The following VSIG10 variants were observed in gnomAD, a reference collection of about 807,000 sequenced individuals.
VSIG10 encodes the protein V-set and immunoglobulin domain containing 10, also known as V-set and immunoglobulin domain-containing protein 10.
Under a neutral mutation model 58.7 loss-of-function variants are expected in VSIG10, and 48 were observed. That is an observed-to-expected ratio of 0.82 (90% confidence interval 0.65 to 1.04). The LOEUF (loss-of-function observed/expected upper bound fraction) is 1.04, where lower values mean the gene tolerates loss of function less well. Ranked by LOEUF, VSIG10 falls within the 50% of genes least tolerant of loss-of-function variation. The pLI is 0.00. For synonymous variants in VSIG10, 260 were observed against 267.1 expected (o/e 0.97, Z 0.26); for missense variants, 628 against 670.0 (o/e 0.94, Z 0.69).
chr12:118,089,016 C>T (rs1169953406), intron 2 of VSIG10, among the ~76,000 whole-genome samples: 3 of 150,618 alleles, frequency 2.0e-5, no homozygotes, highest in Non-Finnish European at 4.4e-5. Context: ...GGTGCCATCT[C>T]GGCTCACTGC....
rs113033206 is a variant in VSIG10, at chr12:118,066,536, C to T, written c.*103G>A. 10 of 1,306,570 alleles carry T rather than the reference C, an allele frequency of 7.7e-6. No individual in the cohort carries two copies. Among genetic ancestry groups the T allele is most frequent in the Non-Finnish European group, 1.1e-5 (10 of 903,320 alleles). The allele number at this position is 1,306,570 out of a possible 1,614,324, so 80.9% of individuals were successfully genotyped here. On this transcript the variant is annotated 3_prime_UTR_variant, in exon 9 of 9. Transcript: ENST00000359236. ...GAGACCCAAACATTGTTAGTGCAAGCCCCCGCCAGGGGTGCAGGTGGAGTC... is the reference window on the plus strand; with the variant it reads ...GAGACCCAAACATTGTTAGTGCAAGTCCCCGCCAGGGGTGCAGGTGGAGTC...
chr12:118,078,629 T>C (rs933394591), intron 4 of VSIG10, among the ~76,000 whole-genome samples: 1 of 151,994 alleles, frequency 6.6e-6, no homozygotes, highest in Non-Finnish European at 1.5e-5. Context: ...TTGCACAGCC[T>C]ACGGAACTAT....
At chr12:118,096,434 T>C (rs974427824) in intron 1 of VSIG10, among the ~76,000 whole-genome samples, 13 of 150,898 alleles carry the variant, frequency 8.6e-5, no homozygotes, top group Admixed American at 6.0e-4. Flanking sequence ...CAAAATCAGC[T>C]GGGCGTGGTA....
At chr12:118,079,728 T>C in intron 3 of VSIG10, 122 bp from the exon 4 acceptor site, 2 of 1,338,268 alleles carry the variant, frequency 1.5e-6, no homozygotes, top group Non-Finnish European at 2.0e-6. Flanking sequence ...AGTGTTAGCA[T>C]CTAATAGCTC....
intron 2 of VSIG10, 149 bp downstream of exon 2, chr12:118,095,384 G>A (rs1375431193): frequency 3.1e-6 from 3 of 966,860 alleles, no homozygotes; most frequent in East Asian, 2.5e-5. Flanking sequence ...AGGAAATAGA[G>A]GTGTGAGAGG....
chr12:118,102,494 A>C (rs1035329675), intron 1 of VSIG10: 5 of 152,166 alleles, frequency 3.3e-5, no homozygotes, highest in African/African-American at 1.2e-4. Context: ...ACCACTGCCC[A>C]ATTCCAACTG....
At position 118,103,621 on chromosome 12, in the gene VSIG10, C is replaced by A; in HGVS notation, c.51G>T (p.Gly17=). The A allele has an allele frequency of 1.3e-6, 2 of 1,518,252 alleles. No individual in the cohort carries two copies. Among genetic ancestry groups the A allele is most frequent in the African/African-American group, 1.4e-5 (1 of 70,068 alleles). 94.0% of individuals were successfully genotyped at this position (1,518,252 alleles called of 1,614,324 possible). A position where few individuals can be genotyped will look rare whatever the true frequency, so the allele number is the denominator to read the frequency against. The change falls in exon 1 of 9, where the codon GGG becomes GGT. Residue 17 remains glycine (G), a synonymous_variant. Transcript: ENST00000359236. ...APEPRVLVCL[G]ALLAGWVAVG... The stretch of plus-strand genomic sequence containing the variant: ...CGGCGACCCAGCCGGCCAGGAGCGC[C>A]CCGAGGCAGACGAGGACGCGGGGCT...
rs2032254118 is a variant in VSIG10 at position 118,066,588 on chromosome 12, A to G, written c.*51T>C. The G allele has an allele frequency of 7.5e-6, 12 of 1,596,418 alleles. No individual in the cohort carries two copies. In the South Asian group the frequency reaches 7.7e-5, roughly 10 times the overall value. ...AAGCTGAATGAAGAGCTCGTCTTCA[A>G]TGTAGCTCTCCAAGCTTTCAGAGCA... is the stretch of plus-strand genomic sequence containing the variant. On this transcript the variant is annotated 3_prime_UTR_variant, in exon 9 of 9. Coordinates refer to ENST00000359236, the MANE Select transcript of VSIG10 (RefSeq NM_019086.6).
At chr12:118,084,062 G>A (rs2033047591) in intron 2 of VSIG10, among the ~76,000 whole-genome samples, 1 of 152,096 alleles carries the variant, frequency 6.6e-6, no homozygotes, top group South Asian at 2.1e-4. Context: ...GGAGGTTGCA[G>A]TGAGCTGTGA....
At position 118,073,891 on chromosome 12, in the gene VSIG10, G is replaced by C; in HGVS notation, c.1027C>G (p.Leu343Val). ...GGCTGGGTAAGGTTCCTCAGCCACA[G>C]GATCTTGGCAGGGGGGTAGGCCCCA... The part of the protein sequence containing the change: ...VSGAYPPAKI[L>V]WLRNLTQPEV... Residue 343 changes from leucine to valine, a missense_variant, in exon 5 of 9, where the codon CTG becomes GTG. Coordinates refer to ENST00000359236, the MANE Select transcript of VSIG10 (RefSeq NM_019086.6). 1.9e-6 allele frequency: 3 copies of C among 1,613,966 alleles called. No individual in the cohort carries two copies. Among genetic ancestry groups the C allele is most frequent in the Non-Finnish European group, 2.5e-6 (3 of 1,179,868 alleles).
chr12:118,064,958 T>A lies in VSIG10; in HGVS notation c.*1681A>T, dbSNP rs1225182814. 6.6e-6 allele frequency: 1 copy of A among 152,050 alleles called. No homozygotes were observed. The highest frequency in any genetic ancestry group is 1.5e-5 in the Non-Finnish European group (1 of 68,008). 9.4% of individuals were successfully genotyped at this position (152,050 alleles called of 1,614,324 possible). On this transcript the variant is annotated 3_prime_UTR_variant, in exon 9 of 9. Coordinates refer to ENST00000359236, the MANE Select transcript of VSIG10 (RefSeq NM_019086.6). ...AGAGCAGATACGCAACATTAAAGAG[T>A]GCAAATTCAAGTCAGTTTTTCATAT...
In VSIG10 at chr12:118,065,638, TA is replaced by T. The variant is rs2032220594; in HGVS notation, c.*1000del. On this transcript the variant is annotated 3_prime_UTR_variant, in exon 9 of 9. Coordinates refer to ENST00000359236, the MANE Select transcript of VSIG10 (RefSeq NM_019086.6). ...CCTTTAAGCCCTAGGTCCTGCCCAC[TA>T]GAGCAGATACGCAACTTTAAAGAGT... is the stretch of plus-strand genomic sequence containing the variant. 1 of 152,198 alleles carries T rather than the reference TA, an allele frequency of 6.6e-6. No individual in the cohort carries two copies. Among genetic ancestry groups the T allele is most frequent in the Non-Finnish European group, 1.5e-5 (1 of 68,026 alleles). The allele number at this position is 152,198 out of a possible 1,614,324, so 9.4% of individuals were successfully genotyped here.
At chr12:118,092,440 A>C (rs2033325157) in intron 2 of VSIG10, among the ~76,000 whole-genome samples, 1 of 152,058 alleles carries the variant, frequency 6.6e-6, no homozygotes, top group African/African-American at 2.4e-5. Context: ...TGACCAGCAA[A>C]CTCTCTCTGT....
intron 1 of VSIG10, chr12:118,102,583 T>C (rs1010216819): frequency 1.3e-5 from 2 of 151,800 alleles, no homozygotes; most frequent in African/African-American, 4.8e-5. Flanking sequence ...TGTTTTTAAA[T>C]GGTTGGTTAA....
chr12:118,075,053 A>G (rs186454144), intron 4 of VSIG10, among the ~76,000 whole-genome samples: 3 of 150,930 alleles, frequency 2.0e-5, no homozygotes, highest in Non-Finnish European at 4.4e-5. Context: ...TAACCTTATC[A>G]TAAGTATTTA....
chr12:118,079,606 T>C lies in VSIG10; in HGVS notation c.665A>G (p.Tyr222Cys), dbSNP rs1566164411. ...GCACTGGGGAGCTGATGGAGGGGGA[T>C]CTGCAAAACACCAGAGGAAAGCATG... ...RKVTTELLVY[Y>C]PPPSAPQCWA... Residue 222 changes from tyrosine to cysteine, a missense_variant and splice_region_variant, in exon 4 of 9, where the codon TAT becomes TGT. Tyr to Cys is a radical substitution (Grantham distance 194). Coordinates refer to ENST00000359236, the MANE Select transcript of VSIG10 (RefSeq NM_019086.6). 2 of 1,613,774 alleles carry C rather than the reference T, an allele frequency of 1.2e-6. No individual in the cohort carries two copies. Among genetic ancestry groups the C allele is most frequent in the Non-Finnish European group, 1.7e-6 (2 of 1,179,824 alleles).
At chr12:118,094,760 G>A (rs1448353182) in intron 2 of VSIG10, among the ~76,000 whole-genome samples, 2 of 150,314 alleles carry the variant, frequency 1.3e-5, no homozygotes, top group Non-Finnish European at 3.0e-5. Context: ...TTTCTGAGAC[G>A]GAGTCTTGCT....
Position 118,079,586 on chromosome 12 carries a change from G to C in VSIG10, c.685C>G (p.Gln229Glu). 6.2e-7 allele frequency: 1 copy of C among 1,613,972 alleles called. No homozygotes were observed. Among genetic ancestry groups the C allele is most frequent in the African/African-American group, 1.3e-5 (1 of 75,042 alleles). The change falls in exon 4 of 9, where the codon CAG becomes GAG. Residue 229 changes from glutamine to glutamate, a missense_variant. Coordinates refer to ENST00000359236, the MANE Select transcript of VSIG10 (RefSeq NM_019086.6). The part of the protein sequence containing the change: ...LVYYPPPSAP[Q>E]CWAQMASGSF... ...CCTGATGCCATCTGTGCCCAGCACTGGGGAGCTGATGGAGGGGGATCTGCA... is the reference window on the plus strand; with the variant it reads ...CCTGATGCCATCTGTGCCCAGCACTCGGGAGCTGATGGAGGGGGATCTGCA...
chr12:118,097,827 G>A (rs1230533916), intron 1 of VSIG10, among the ~76,000 whole-genome samples: 2 of 152,108 alleles, frequency 1.3e-5, no homozygotes, highest in African/African-American at 4.8e-5. Flanking sequence ...GGAGGCTGAG[G>A]CAGGGGAATC....
Sources: allele counts gnomAD v4.1 joint callset (sites outside exome capture counted in the v4.1 genomes callset), GRCh38; gene constraint gnomAD v4.1.1; transcripts MANE v1.5; gene names NCBI Gene and HGNC (gene_info 2026-07-23, HGNC 2026-07-21).